RBPMS2: variants seen among roughly 807,000 people sequenced by gnomAD.
RBPMS2 encodes the protein RNA-binding protein with multiple splicing 2.
RBPMS2 carries 14 observed loss-of-function variants against 25.7 expected under a neutral mutation model. The ratio of observed to expected loss-of-function variants is 0.55; its 90% confidence interval spans 0.36 to 0.85. The LOEUF (loss-of-function observed/expected upper bound fraction) is 0.85. Among genes scored for constraint, RBPMS2 ranks in the 40% least tolerant of loss-of-function variants. The pLI is 0.01. For synonymous variants in RBPMS2, 127 were observed against 115.6 expected, an observed-to-expected ratio of 1.10 and a Z score of -0.63; for missense variants, 252 against 283.4, an observed-to-expected ratio of 0.89 and a Z score of 0.80.
At chr15:64,746,010 AAC>A (rs1203739625) in intron 6 of RBPMS2, among the ~76,000 whole-genome samples, 18 of 152,292 alleles carry the variant, frequency 1.2e-4, no homozygotes, top group Middle Eastern at 3.4e-3. Flanking sequence ...ACTTAAGATC[AAC>A]AGTGTCCATA....
chr15:64,769,476 G>A (rs577588316), intron 1 of RBPMS2, among the ~76,000 whole-genome samples: 11 of 147,518 alleles, frequency 7.5e-5, no homozygotes, highest in Admixed American at 4.1e-4. Flanking sequence ...TGGCTAACAC[G>A]GTGAAACCCC....
At chr15:64,769,609 G>A (rs1333375515) in intron 1 of RBPMS2, among the ~76,000 whole-genome samples, 3 of 151,760 alleles carry the variant, frequency 2.0e-5, no homozygotes, top group African/African-American at 7.2e-5. Context: ...GCAGTGAGCT[G>A]AGATCGCGCC....
intron 3 of RBPMS2, among the ~76,000 whole-genome samples, chr15:64,749,740 C>A (rs2083657696): frequency 6.6e-6 from 1 of 152,168 alleles, no homozygotes. Flanking sequence ...ATGATGCCAA[C>A]AGAGCTTAAT....
chr15:64,753,859 A>T (rs2083706289), intron 1 of RBPMS2, among the ~76,000 whole-genome samples: 1 of 152,124 alleles, frequency 6.6e-6, no homozygotes, highest in African/African-American at 2.4e-5. Context: ...ATAGCCAAGG[A>T]TCCAGGATGG....
intron 1 of RBPMS2, among the ~76,000 whole-genome samples, chr15:64,766,305 A>G (rs2083845217): frequency 6.6e-6 from 1 of 152,118 alleles, no homozygotes; most frequent in Non-Finnish European, 1.5e-5. Context: ...GAGGCCTCCA[A>G]CGCTGATACA....
intron 1 of RBPMS2, among the ~76,000 whole-genome samples, chr15:64,760,072 T>C (rs2083769693): frequency 1.3e-5 from 2 of 152,232 alleles, no homozygotes; most frequent in South Asian, 4.1e-4. Flanking sequence ...AAAAGGCCAG[T>C]GCCCTGGACA....
chr15:64,753,511 G>C (rs1021809579), intron 1 of RBPMS2, among the ~76,000 whole-genome samples: 3 of 152,170 alleles, frequency 2.0e-5, no homozygotes, highest in African/African-American at 7.2e-5. Flanking sequence ...AATCAGCCAG[G>C]ATAGCTGCTG....
At chr15:64,766,980 C>A (rs1053118198) in intron 1 of RBPMS2, among the ~76,000 whole-genome samples, 3 of 152,172 alleles carry the variant, frequency 2.0e-5, no homozygotes, top group Non-Finnish European at 2.9e-5. Flanking sequence ...GATGGGGTTT[C>A]ACCACATTGC....
chr15:64,744,118 A>G (rs553238998), intron 6 of RBPMS2, among the ~76,000 whole-genome samples: 2 of 152,156 alleles, frequency 1.3e-5, no homozygotes, highest in East Asian at 1.9e-4. Context: ...AAAAAAATAA[A>G]AATAACTAAA....
intron 1 of RBPMS2, among the ~76,000 whole-genome samples, chr15:64,770,582 T>C (rs1182255485): frequency 6.6e-6 from 1 of 152,112 alleles, no homozygotes. Context: ...CCTACTGCTA[T>C]ATGCCTGGCA....
At chr15:64,774,939 G>T (rs2083919182) in intron 1 of RBPMS2, among the ~76,000 whole-genome samples, 1 of 151,166 alleles carries the variant, frequency 6.6e-6, no homozygotes, top group South Asian at 2.1e-4. Context: ...GGCAGGCATG[G>T]AACGGACGCG....
rs868644441 is a variant in RBPMS2 at position 64,741,212 on chromosome 15, G to T, written c.598C>A (p.Gln200Lys). The part of the protein sequence containing the change: ...VRWYPSSDTT[Q>K]QGWKYRQFC The stretch of plus-strand genomic sequence containing the variant: ...AACTGACGGTACTTCCATCCTTGCT[G>T]GGTGGTGTCAGAGGAAGGGTACCAG... The change falls in exon 7 of 8, where the codon CAG becomes AAG. Residue 200 changes from glutamine (Q) to lysine (K), a missense_variant. Gln to Lys is a moderately conservative substitution (Grantham distance 53). Transcript: ENST00000300069. 1 of 1,592,178 alleles carries T rather than the reference G, an allele frequency of 6.3e-7. No homozygotes were observed. The highest frequency in any genetic ancestry group is 1.3e-5 in the African/African-American group (1 of 74,606).
At chr15:64,750,965 G>A (rs2083672527) in intron 2 of RBPMS2, among the ~76,000 whole-genome samples, 1 of 152,036 alleles carries the variant, frequency 6.6e-6, no homozygotes, top group South Asian at 2.1e-4. Flanking sequence ...CTGAACCCAG[G>A]AGGCGGAGGT....
At chr15:64,741,374 G>T in intron 6 of RBPMS2, 132 bp from the exon 7 acceptor site, 2 of 688,288 alleles carry the variant, frequency 2.9e-6, no homozygotes, top group South Asian at 3.4e-5. Context: ...TTTTGGGCCA[G>T]TTACTCACCT....
intron 6 of RBPMS2, among the ~76,000 whole-genome samples, chr15:64,743,059 G>T (rs1285542834): frequency 1.3e-5 from 2 of 152,228 alleles, no homozygotes; most frequent in African/African-American, 4.8e-5. Flanking sequence ...CAGAGAAGCC[G>T]GCGGCTGGCA....
intron 2 of RBPMS2, 69 bp downstream of exon 2, chr15:64,751,492 C>A: frequency 7.2e-7 from 1 of 1,390,872 alleles, no homozygotes. Context: ...CTGCCCGACC[C>A]GAGATTCACT....
intron 1 of RBPMS2, among the ~76,000 whole-genome samples, chr15:64,771,647 G>A (rs536355337): frequency 1.1e-4 from 17 of 151,458 alleles, no homozygotes; most frequent in Middle Eastern, 6.8e-3. Context: ...CCCCAATCTG[G>A]GCAACAGAGA....
chr15:64,762,665 C>T, intron 1 of RBPMS2: 1 of 399,638 alleles, frequency 2.5e-6, no homozygotes, highest in Non-Finnish European at 4.9e-6. Flanking sequence ...GCCCTGTCAC[C>T]AGCCATAGCA....
At chr15:64,760,670 G>A (rs559967875) in intron 1 of RBPMS2, among the ~76,000 whole-genome samples, 2 of 151,992 alleles carry the variant, frequency 1.3e-5, no homozygotes, top group South Asian at 2.1e-4. Context: ...GCATGGTAGC[G>A]CACGCCTGTA....
Sources: gnomAD v4.1 joint callset for allele counts (sites outside exome capture counted in the v4.1 genomes callset) on GRCh38, gnomAD v4.1.1 for gene constraint, MANE v1.5 for transcripts, NCBI Gene and HGNC (gene_info 2026-07-23, HGNC 2026-07-21) for gene names.